Variants in DNAL1 observed in about 807,000 individuals in gnomAD.
DNAL1 encodes the protein dynein axonemal light chain 1, also known as chromosome 14 open reading frame 168.
In DNAL1, 17 loss-of-function variants were observed where a neutral mutation model predicts 29.4. That is an observed-to-expected ratio of 0.58 (90% confidence interval 0.40 to 0.87). DNAL1 has a LOEUF of 0.87. Ranked by LOEUF, DNAL1 falls within the 40% of genes least tolerant of loss-of-function variation. The pLI, the probability that DNAL1 is intolerant of heterozygous loss-of-function variation, is 0.00. For missense variants in DNAL1, 188 were observed against 214.1 expected (o/e 0.88, Z 0.76); for synonymous variants, 78 against 76.3 (o/e 1.02, Z -0.12).
chr14:73,649,725 CTTAG>C (rs780088109), intron 1 of DNAL1, among the ~76,000 whole-genome samples: 6 of 152,010 alleles, frequency 3.9e-5, no homozygotes, highest in Non-Finnish European at 7.4e-5. Flanking sequence ...TTTCTTTTTC[CTTAG>C]TAATTGTTAC....
intron 2 of DNAL1, among the ~76,000 whole-genome samples, chr14:73,656,922 ATTTT>A (rs1392412297): frequency 4.6e-5 from 7 of 151,700 alleles, no homozygotes; most frequent in Non-Finnish European, 7.4e-5. Flanking sequence ...CATTATTATT[ATTTT>A]AATATATTTT....
rs1566890719 is a variant in DNAL1, at chr14:73,687,376, A to ATAATAACCTGCTAAT, written c.382_383insTAATAACCTGCTAAT (p.Lys128delinsIleIleThrCysTer). On this transcript the variant is annotated stop_gained and protein_altering_variant, in exon 6 of 8. Transcript: ENST00000553645. LOFTEE classifies it high-confidence loss of function. ...TCTCTACATGTCTAATAACCTGGTA[A>ATAATAACCTGCTAAT]AAGACTGGGGTAAGCTGAGAGTGGC... is the stretch of plus-strand genomic sequence containing the variant. 1 of 1,601,780 alleles carries ATAATAACCTGCTAAT rather than the reference A, an allele frequency of 6.2e-7. No homozygotes were observed. The highest frequency in any genetic ancestry group is 8.5e-7 in the Non-Finnish European group (1 of 1,174,154).
intron 2 of DNAL1, among the ~76,000 whole-genome samples, chr14:73,655,880 A>G (rs1306552884): frequency 1.3e-5 from 2 of 152,234 alleles, no homozygotes; most frequent in African/African-American, 2.4e-5. Context: ...CATGCATTAT[A>G]TATAAATTAT....
intron 7 of DNAL1, among the ~76,000 whole-genome samples, chr14:73,695,250 G>A (rs1219327183): frequency 1.3e-5 from 2 of 151,084 alleles, no homozygotes; most frequent in African/African-American, 4.9e-5. Context: ...TAGAGATGGG[G>A]TCTTGCTATG....
In DNAL1 at chr14:73,654,859, A is replaced by G; in HGVS notation, c.16A>G (p.Thr6Ala). The G allele has an allele frequency of 3.9e-6, 6 of 1,531,948 alleles. No individual in the cohort carries two copies. The highest frequency in any genetic ancestry group is 5.3e-6 in the Non-Finnish European group (6 of 1,142,154). The allele number at this position is 1,531,948 out of a possible 1,614,324, so 94.9% of individuals were successfully genotyped here. A position where few individuals can be genotyped will look rare whatever the true frequency, so the allele number is the denominator to read the frequency against. Residue 6 changes from threonine (T) to alanine (A), a missense_variant, in exon 2 of 8, where the codon ACA becomes GCA. Thr to Ala is a moderately conservative substitution (Grantham distance 58). Transcript: ENST00000553645. MAKATTIKEALARWEE... is the reference protein window; with the variant it reads MAKATAIKEALARWEE... ...TTTTTTTTTAAAGGCGAAAGCAACA[A>G]CAATCAAAGAAGCCTTAGCGAGATG...
At chr14:73,677,460 C>CGGCAAGTA (rs1230150327) in intron 5 of DNAL1, among the ~76,000 whole-genome samples, 1 of 151,614 alleles carries the variant, frequency 6.6e-6, no homozygotes, top group African/African-American at 2.4e-5. Flanking sequence ...CCACTGTTCG[C>CGGCAAGTA]GGCAAGTACC....
intron 1 of DNAL1, among the ~76,000 whole-genome samples, chr14:73,653,951 T>G (rs1566879724): frequency 6.6e-6 from 1 of 152,210 alleles, no homozygotes; most frequent in Non-Finnish European, 1.5e-5. Context: ...TGACAAATAC[T>G]TTATTGTCAT....
chr14:73,682,060 C>G (rs917757090), intron 5 of DNAL1, among the ~76,000 whole-genome samples: 3 of 150,708 alleles, frequency 2.0e-5, no homozygotes, highest in Non-Finnish European at 4.4e-5. Flanking sequence ...TGCAGTGAGC[C>G]GAGATCGCAC....
At chr14:73,650,772 G>A (rs1032805431) in intron 1 of DNAL1, among the ~76,000 whole-genome samples, 2 of 151,980 alleles carry the variant, frequency 1.3e-5, no homozygotes, top group Non-Finnish European at 2.9e-5. Context: ...CACTGTGCCT[G>A]GCCAGGCAAT....
At position 73,695,898 on chromosome 14, in the gene DNAL1, T is replaced by C; in HGVS notation, c.533-4T>C. The C allele has an allele frequency of 1.3e-6, 2 of 1,576,616 alleles. No individual in the cohort carries two copies. The highest frequency in any genetic ancestry group is 1.7e-6 in the Non-Finnish European group (2 of 1,159,864). On this transcript the variant is annotated splice_polypyrimidine_tract_variant and splice_region_variant and intron_variant, in intron 7 of 7. Transcript: ENST00000553645. ...ACCAGTAATAATTTTCTTTTTCATT[T>C]TAGGTACTCCAGTAATTAAAGGGGA...
At chr14:73,668,820 G>A (rs1028058924) in intron 4 of DNAL1, among the ~76,000 whole-genome samples, 3 of 152,110 alleles carry the variant, frequency 2.0e-5, no homozygotes, top group Non-Finnish European at 4.4e-5. Context: ...GGGATTACAG[G>A]GACACACCAC....
chr14:73,679,443 A>G (rs1329666718), intron 5 of DNAL1, among the ~76,000 whole-genome samples: 1 of 152,196 alleles, frequency 6.6e-6, no homozygotes, highest in African/African-American at 2.4e-5. Flanking sequence ...TAATAGCCAA[A>G]AGGTGGAAGC....
intron 7 of DNAL1, among the ~76,000 whole-genome samples, chr14:73,692,646 G>T (rs571356790): frequency 4.7e-4 from 71 of 151,700 alleles, no homozygotes; most frequent in Non-Finnish European, 8.8e-4. Flanking sequence ...AACCACCAAT[G>T]TAGAACTTGA....
intron 5 of DNAL1, among the ~76,000 whole-genome samples, chr14:73,676,601 T>C (rs985798383): frequency 6.6e-6 from 1 of 152,212 alleles, no homozygotes; most frequent in African/African-American, 2.4e-5. Flanking sequence ...TTTTCTACAG[T>C]ATCAGTATAC....
At chr14:73,683,680 C>CT (rs1891946601) in intron 5 of DNAL1, among the ~76,000 whole-genome samples, 1 of 147,948 alleles carries the variant, frequency 6.8e-6, no homozygotes. Context: ...ATGAGATCAG[C>CT]TTTTTTTATT....
At chr14:73,645,932 T>A (rs1890966499) in intron 1 of DNAL1, among the ~76,000 whole-genome samples, 1 of 152,254 alleles carries the variant, frequency 6.6e-6, no homozygotes, top group Non-Finnish European at 1.5e-5. Context: ...GAGATGTTTA[T>A]GAAGAAGAAG....
At chr14:73,655,649 C>T (rs1167204487) in intron 2 of DNAL1, among the ~76,000 whole-genome samples, 6 of 151,762 alleles carry the variant, frequency 4.0e-5, no homozygotes, top group Non-Finnish European at 8.8e-5. Flanking sequence ...GCCCGGCCTA[C>T]ATTTTCTTTT....
chr14:73,665,951 T>A (rs1380642530), intron 4 of DNAL1, among the ~76,000 whole-genome samples: 1 of 152,208 alleles, frequency 6.6e-6, no homozygotes, highest in Non-Finnish European at 1.5e-5. Context: ...ACGAATACCT[T>A]GATCAATTAT....
Position 73,702,083 on chromosome 14 carries a change from G to T in DNAL1, c.*6141G>T, listed in dbSNP as rs1332909850. On this transcript the variant is annotated 3_prime_UTR_variant, in exon 8 of 8. Transcript: ENST00000553645. Reference sequence around the variant, plus strand: ...ATGTACCATGCAGTTTGTGTGGTGTGTGTGTGTGTGTGTGTGTGTGTGCAC... The same window carrying T: ...ATGTACCATGCAGTTTGTGTGGTGTTTGTGTGTGTGTGTGTGTGTGTGCAC... 1 of 141,646 alleles carries T rather than the reference G, an allele frequency of 7.1e-6. No homozygotes were observed. The highest frequency in any genetic ancestry group is 3.0e-5 in the African/African-American group (1 of 33,072). 8.8% of individuals were successfully genotyped at this position (141,646 alleles called of 1,614,324 possible).
Sources: allele counts gnomAD v4.1 joint callset (sites outside exome capture counted in the v4.1 genomes callset), GRCh38; gene constraint gnomAD v4.1.1; transcripts MANE v1.5; gene names NCBI Gene and HGNC (gene_info 2026-07-23, HGNC 2026-07-21).